Variants in MTCL2 observed in about 807,000 individuals in gnomAD.
MTCL2 encodes microtubule cross-linking factor 2.
the MTCL2 span, chr20:36,803,061 T>C: frequency 1.9e-6 from 3 of 1,609,154 alleles, no homozygotes; most frequent in East Asian, 6.7e-5. Context: ...TGCCTTCCAG[T>C]CGGGCCCTGC....
the MTCL2 span, chr20:36,779,532 G>A: frequency 6.6e-6 from 1 of 152,580 alleles, no homozygotes; most frequent in Admixed American, 6.5e-5. Flanking sequence ...GCTTAAGGGT[G>A]GCACCGGGGG....
At chr20:36,845,944 C>T in the MTCL2 span, among the ~76,000 whole-genome samples, 1 of 152,132 alleles carries the variant, frequency 6.6e-6, no homozygotes, top group African/African-American at 2.4e-5. Context: ...GACCCCCTAA[C>T]TGTGTGGAAG....
chr20:36,798,476 G>A, the MTCL2 span, among the ~76,000 whole-genome samples: 1 of 152,242 alleles, frequency 6.6e-6, no homozygotes, highest in African/African-American at 2.4e-5. Context: ...TTGGGCAGCT[G>A]ACTGAGTGAA....
chr20:36,850,388 G>A, the MTCL2 span, among the ~76,000 whole-genome samples: 541 of 152,250 alleles, frequency 3.6e-3, 4 homozygotes, highest in Middle Eastern at 0.014. Flanking sequence ...TTAGCCGGGC[G>A]TGGTGGTGCA....
the MTCL2 span, chr20:36,815,573 C>T: frequency 1.9e-6 from 3 of 1,572,886 alleles, no homozygotes; most frequent in African/African-American, 1.3e-5. This position sits in a 1 kb window ranked among gnomAD's most constrained non-coding sequence, Gnocchi z 5.3. Context: ...GGGCAGAGTC[C>T]CCGGCCTCGG....
At chr20:36,861,401 C>T in the MTCL2 span, among the ~76,000 whole-genome samples, 1 of 152,140 alleles carries the variant, frequency 6.6e-6, no homozygotes, top group Non-Finnish European at 1.5e-5. Context: ...TTCAGACAGA[C>T]CTTGTCCTTC....
chr20:36,814,837 A>C, the MTCL2 span, among the ~76,000 whole-genome samples: 5,134 of 152,252 alleles, frequency 0.034, 334 homozygotes, highest in African/African-American at 0.12. Flanking sequence ...CAGTGAGCCG[A>C]GATTGCGCCA....
chr20:36,806,288 G>C, the MTCL2 span, among the ~76,000 whole-genome samples: 3 of 152,140 alleles, frequency 2.0e-5, no homozygotes, highest in East Asian at 5.8e-4. Flanking sequence ...TTCTGGGCAA[G>C]AGTCCAGGGC....
the MTCL2 span, among the ~76,000 whole-genome samples, chr20:36,860,223 T>C: frequency 6.6e-6 from 1 of 152,152 alleles, no homozygotes; most frequent in African/African-American, 2.4e-5. Context: ...GCCTGAAATC[T>C]TCTTACTCCA....
the MTCL2 span, chr20:36,794,212 C>T: frequency 2.3e-5 from 36 of 1,546,870 alleles, no homozygotes; most frequent in South Asian, 7.2e-5. This position sits in a 1 kb window ranked among gnomAD's most constrained non-coding sequence, Gnocchi z 5.4. Context: ...CAGCCTCGGC[C>T]GACTCTTTGG....
At chr20:36,863,258 C>G in the MTCL2 span, 1 of 1,195,464 alleles carries the variant, frequency 8.4e-7, no homozygotes, top group Middle Eastern at 3.3e-4. The surrounding 1 kb of genome is among the most constrained non-coding windows in gnomAD (Gnocchi z 6.2). Flanking sequence ...CGCGGTGGCT[C>G]TTTTTCCTCT....
At chr20:36,792,091 G>A in the MTCL2 span, among the ~76,000 whole-genome samples, 18 of 152,294 alleles carry the variant, frequency 1.2e-4, no homozygotes, top group African/African-American at 1.9e-4. Context: ...TGGTATGCCC[G>A]CTAATGTTTA....
the MTCL2 span, among the ~76,000 whole-genome samples, chr20:36,847,461 C>T: frequency 1.3e-5 from 2 of 152,184 alleles, no homozygotes; most frequent in African/African-American, 4.8e-5. Flanking sequence ...GGGAGAAGGG[C>T]AGGGGCTGGT....
the MTCL2 span, among the ~76,000 whole-genome samples, chr20:36,787,591 G>A: frequency 1.3e-5 from 2 of 151,892 alleles, no homozygotes; most frequent in African/African-American, 4.8e-5. Context: ...CAGAAATAAT[G>A]ATCAAAAGTG....
chr20:36,815,901 C>T, the MTCL2 span: 1 of 1,610,782 alleles, frequency 6.2e-7, no homozygotes. This position sits in a 1 kb window ranked among gnomAD's most constrained non-coding sequence, Gnocchi z 5.3. Context: ...CTGCAGGTGT[C>T]GCCGCAGCTC....
At chr20:36,808,821 C>T in the MTCL2 span, 3 of 1,349,864 alleles carry the variant, frequency 2.2e-6, no homozygotes, top group Admixed American at 4.8e-5. Context: ...TGGACAGGGG[C>T]AGGGAGGAAA....
At chr20:36,854,123 C>G in the MTCL2 span, among the ~76,000 whole-genome samples, 1 of 152,178 alleles carries the variant, frequency 6.6e-6, no homozygotes, top group Non-Finnish European at 1.5e-5. Context: ...TGCCATTCCC[C>G]CTGCCTGGCA....
the MTCL2 span, chr20:36,781,113 T>C: frequency 1.3e-5 from 2 of 152,244 alleles, no homozygotes; most frequent in Admixed American, 6.5e-5. Context: ...ACCCCTATGA[T>C]TAAGATTGTA....
chr20:36,794,038 G>A, the MTCL2 span: 1 of 1,551,450 alleles, frequency 6.4e-7, no homozygotes, highest in Non-Finnish European at 8.7e-7. This position sits in a 1 kb window ranked among gnomAD's most constrained non-coding sequence, Gnocchi z 5.4. Context: ...CACAGTTGGT[G>A]ATCTCCTTCA....
Sources: allele counts gnomAD v4.1 joint callset (sites outside exome capture counted in the v4.1 genomes callset), GRCh38; gene constraint gnomAD v4.1.1; non-coding constraint Gnocchi (gnomAD v3.1); transcripts MANE v1.5; gene names NCBI Gene and HGNC (gene_info 2026-07-23, HGNC 2026-07-21).